The following CCDC126 variants were observed in gnomAD, a reference collection of about 807,000 sequenced individuals.
The protein encoded by CCDC126 is coiled-coil domain containing 126.
A neutral mutation model predicts 11.7 loss-of-function variants in CCDC126; 5 were observed. The ratio of observed to expected loss-of-function variants is 0.43; its 90% confidence interval spans 0.22 to 0.90. The LOEUF (loss-of-function observed/expected upper bound fraction) is 0.90, where lower values mean the gene tolerates loss of function less well. Ranked by LOEUF, CCDC126 falls within the 40% of genes least tolerant of loss-of-function variation. The pLI is 0.27. For synonymous variants in CCDC126, 60 were observed against 61.9 expected (o/e 0.97, Z 0.14); for missense variants, 150 against 163.1 (o/e 0.92, Z 0.44).
intron 2 of CCDC126, among the ~76,000 whole-genome samples, chr7:23,605,982 G>GTTT (rs549336339): frequency 6.7e-6 from 1 of 149,860 alleles, no homozygotes; most frequent in African/African-American, 2.5e-5. Context: ...CTTGTTTTCT[G>GTTT]TTTTTTTTTG....
intron 3 of CCDC126, among the ~76,000 whole-genome samples, chr7:23,638,850 A>G (rs933978901): frequency 5.0e-5 from 7 of 138,728 alleles, no homozygotes; most frequent in African/African-American, 1.3e-4. Flanking sequence ...GATGTAATAC[A>G]ATAATAAATT....
chr7:23,622,755 G>T, intron 3 of CCDC126: 1 of 515,628 alleles, frequency 1.9e-6, no homozygotes, highest in South Asian at 1.4e-5. Context: ...TGGAGTTCCT[G>T]TCATGTACAT....
intron 2 of CCDC126, among the ~76,000 whole-genome samples, chr7:23,601,235 G>A (rs1415803607): frequency 6.6e-6 from 1 of 152,004 alleles, no homozygotes. Flanking sequence ...AATAAAATTT[G>A]TCAAGTGTAG....
chr7:23,612,068 C>T (rs1782720842), intron 3 of CCDC126, among the ~76,000 whole-genome samples: 1 of 150,950 alleles, frequency 6.6e-6, no homozygotes, highest in Non-Finnish European at 1.5e-5. Flanking sequence ...ATCATTTGAA[C>T]CTGGGAGGCG....
chr7:23,606,130 C>G (rs927524147), intron 2 of CCDC126, among the ~76,000 whole-genome samples: 1 of 152,094 alleles, frequency 6.6e-6, no homozygotes, highest in Non-Finnish European at 1.5e-5. Flanking sequence ...GTGATCTCTG[C>G]TTACTGCAAG....
At chr7:23,638,033 C>T (rs1244450586) in intron 3 of CCDC126, among the ~76,000 whole-genome samples, 2 of 135,332 alleles carry the variant, frequency 1.5e-5, no homozygotes, top group African/African-American at 5.3e-5. Flanking sequence ...GCCCGGCCGC[C>T]CCTACTGGGA....
intron 3 of CCDC126, among the ~76,000 whole-genome samples, chr7:23,640,172 G>C (rs1443822948): frequency 6.8e-6 from 1 of 147,396 alleles, no homozygotes; most frequent in Non-Finnish European, 1.5e-5. Context: ...GACAGAGTGA[G>C]ACTCCGTCTC....
chr7:23,606,003 T>A (rs1029517013), intron 2 of CCDC126, among the ~76,000 whole-genome samples: 6 of 152,070 alleles, frequency 3.9e-5, no homozygotes, highest in African/African-American at 1.4e-4. Flanking sequence ...TGTGTGTGTG[T>A]GTGTGATAAC....
At chr7:23,636,054 C>T (rs1233039389) in intron 3 of CCDC126, among the ~76,000 whole-genome samples, 1 of 151,856 alleles carries the variant, frequency 6.6e-6, no homozygotes. Context: ...TTGGTGGAGA[C>T]GGGGTTTTGC....
chr7:23,608,390 A>C (rs1782654580), intron 2 of CCDC126, among the ~76,000 whole-genome samples: 1 of 152,256 alleles, frequency 6.6e-6, no homozygotes, highest in South Asian at 2.1e-4. Flanking sequence ...TTCAACCTGC[A>C]ACCCATGGGC....
At chr7:23,611,148 T>C (rs1391712952) in intron 2 of CCDC126, 23 bp from the exon 3 acceptor site, 1 of 576,018 alleles carries the variant, frequency 1.7e-6, no homozygotes, top group African/African-American at 1.9e-5. Context: ...AGACTAATAC[T>C]GTTTTTCTTC....
chr7:23,610,424 G>A (rs984099820), intron 2 of CCDC126, among the ~76,000 whole-genome samples: 2 of 152,098 alleles, frequency 1.3e-5, no homozygotes, highest in Non-Finnish European at 2.9e-5. Flanking sequence ...ATGTTGATCA[G>A]ACTGGTCTCA....
Position 23,642,978 on chromosome 7 carries a change from C to G in CCDC126, c.286C>G (p.Arg96Gly). 1.2e-6 allele frequency: 2 copies of G among 1,614,022 alleles called. No homozygotes were observed. Among genetic ancestry groups the G allele is most frequent in the Non-Finnish European group, 1.7e-6 (2 of 1,179,940 alleles). Residue 96 changes from arginine to glycine, a missense_variant, in exon 4 of 4, where the codon CGA becomes GGA. Physicochemically the swap from Arg to Gly is moderately radical, Grantham distance 125. Coordinates refer to ENST00000307471, the MANE Select transcript of CCDC126 (RefSeq NM_138771.4). ...IAVLLDDILQ[R>G]LVKLENKVDY... ...TGTCCTTCTGGATGACATTTTGCAA[C>G]GATTGGTGAAGCTGGAGAACAAAGT...
rs1362079219 is a variant in CCDC126 at position 23,636,617 on chromosome 7, C to G, written c.239-6314C>G. Among the ~76,000 whole-genome samples, 563 of 135,650 alleles carry G rather than the reference C, an allele frequency of 4.2e-3. 9 individuals are homozygous for G. Among genetic ancestry groups the G allele is most frequent in the African/African-American group, 0.016 (547 of 34,866 alleles). 89.0% of individuals were successfully genotyped at this position (135,650 alleles called of 152,430 possible). ...CCCGTCTGAGAAGTGAGGAAACTCTCTGCCTGGCAACCGCCCCGTCTGAGA... is the reference window on the plus strand; with the variant it reads ...CCCGTCTGAGAAGTGAGGAAACTCTGTGCCTGGCAACCGCCCCGTCTGAGA... On this transcript the variant is annotated intron_variant, in intron 3 of 3. Transcript: ENST00000307471.
chr7:23,624,683 A>G (rs1334063206), intron 3 of CCDC126, among the ~76,000 whole-genome samples: 2 of 152,224 alleles, frequency 1.3e-5, no homozygotes, highest in Non-Finnish European at 2.9e-5. Flanking sequence ...TGTGGTACCT[A>G]TGCACGCATA....
At chr7:23,599,036 G>C (rs960530752) in intron 2 of CCDC126, among the ~76,000 whole-genome samples, 1 of 152,018 alleles carries the variant, frequency 6.6e-6, no homozygotes, top group Admixed American at 6.6e-5. Context: ...CCTGCTTCAG[G>C]TCATATAATT....
chr7:23,637,675 CCGACCAGCCGCCCCG>C, intron 3 of CCDC126, among the ~76,000 whole-genome samples: 1 of 6,180 alleles, frequency 1.6e-4, no homozygotes, highest in Non-Finnish European at 3.1e-4. Context: ...AGCCCCCCGC[CCGACCAGCCGCCCCG>C]TCCAGGAGGG....
At chr7:23,611,915 G>A (rs1469242578) in intron 3 of CCDC126, among the ~76,000 whole-genome samples, 6 of 152,016 alleles carry the variant, frequency 3.9e-5, no homozygotes, top group Non-Finnish European at 5.9e-5. Context: ...AGGCCGAGGC[G>A]GATGGATCAC....
At chr7:23,619,115 T>A (rs1460057813) in intron 3 of CCDC126, among the ~76,000 whole-genome samples, 2 of 152,156 alleles carry the variant, frequency 1.3e-5, no homozygotes. Flanking sequence ...AACTGCTCTA[T>A]CCCCTTAAGA....
Sources: allele counts gnomAD v4.1 joint callset (sites outside exome capture counted in the v4.1 genomes callset), GRCh38; gene constraint gnomAD v4.1.1; transcripts MANE v1.5; gene names NCBI Gene and HGNC (gene_info 2026-07-23, HGNC 2026-07-21).